CHRM3: variants seen among roughly 807,000 people sequenced by gnomAD.
CHRM3 encodes muscarinic acetylcholine receptor M3.
A neutral mutation model predicts 41.8 loss-of-function variants in CHRM3; 11 were observed. That is an observed-to-expected ratio of 0.26 (90% CI 0.17 to 0.44). The LOEUF (loss-of-function observed/expected upper bound fraction) is 0.44, where lower values mean the gene tolerates loss of function less well. Ranked by LOEUF, CHRM3 falls within the 20% of genes least tolerant of loss-of-function variation. The pLI, the probability that CHRM3 is intolerant of heterozygous loss-of-function variation, is 1.00. For missense variants in CHRM3, 571 were observed against 745.4 expected, an observed-to-expected ratio of 0.77 and a Z score of 2.72; for synonymous variants, 297 against 301.4, an observed-to-expected ratio of 0.99 and a Z score of 0.15.
chr1:239,613,239 G>T (rs1323037042), intron 3 of CHRM3, among the ~76,000 whole-genome samples: 1 of 152,180 alleles, frequency 6.6e-6, no homozygotes, highest in African/African-American at 2.4e-5. Flanking sequence ...TGCATGTAGG[G>T]TGTGCACAAG....
rs756580871 is a variant in CHRM3, at chr1:239,386,967, C to G, written c.-781C>G. The G allele has an allele frequency of 6.6e-6, 1 of 152,032 alleles. No individual in the cohort carries two copies. The highest frequency in any genetic ancestry group is 2.4e-5 in the African/African-American group (1 of 41,434). The allele number at this position is 152,032 out of a possible 1,614,324, so 9.4% of individuals were successfully genotyped here. A position where few individuals can be genotyped will look rare whatever the true frequency, so the allele number is the denominator to read the frequency against. On this transcript the variant is annotated 5_prime_UTR_variant, in exon 1 of 7. Coordinates refer to ENST00000676153, the MANE Select transcript of CHRM3 (RefSeq NM_001375978.1). ...GCCCGCGGGCGGAGCGCTCTCAGAC[C>G]CCGGAGCGCACACCGCGGGGCCATC...
chr1:239,639,891 G>T (rs1306634606), intron 4 of CHRM3, among the ~76,000 whole-genome samples: 2 of 146,880 alleles, frequency 1.4e-5, no homozygotes, highest in South Asian at 2.2e-4. Context: ...TATGATATTG[G>T]CTGTGGGTTT....
At chr1:239,398,444 C>G (rs1460267476) in intron 1 of CHRM3, among the ~76,000 whole-genome samples, 1 of 151,966 alleles carries the variant, frequency 6.6e-6, no homozygotes, top group Non-Finnish European at 1.5e-5. Flanking sequence ...CCATGTTGGT[C>G]AGGCTGGTCT....
chr1:239,414,720 C>T (rs951589343), intron 1 of CHRM3, among the ~76,000 whole-genome samples: 3 of 152,152 alleles, frequency 2.0e-5, no homozygotes, highest in Non-Finnish European at 4.4e-5. Context: ...TTATGCAAAG[C>T]GTGCTGGTCA....
intron 3 of CHRM3, among the ~76,000 whole-genome samples, chr1:239,578,301 A>G (rs1369043828): frequency 6.6e-6 from 1 of 152,060 alleles, no homozygotes; most frequent in Non-Finnish European, 1.5e-5. Flanking sequence ...ACATTTTTGT[A>G]TTTTATACAT....
intron 3 of CHRM3, among the ~76,000 whole-genome samples, chr1:239,599,276 A>G (rs181467628): frequency 2.2e-3 from 327 of 151,884 alleles, no homozygotes; most frequent in African/African-American, 7.6e-3. Context: ...CCACAGTGAC[A>G]CTCTTCCACA....
chr1:239,879,356 C>T (rs1455983277), intron 6 of CHRM3, among the ~76,000 whole-genome samples: 1 of 152,208 alleles, frequency 6.6e-6, no homozygotes, highest in African/African-American at 2.4e-5. Flanking sequence ...TGCGAAGCAC[C>T]ACCTGAAACA....
chr1:239,787,631 A>G (rs1669012797), intron 5 of CHRM3, among the ~76,000 whole-genome samples: 1 of 152,138 alleles, frequency 6.6e-6, no homozygotes, highest in Non-Finnish European at 1.5e-5. Context: ...CCAGATTGCA[A>G]TGTGATCGTG....
chr1:239,546,957 G>T (rs544959210), intron 3 of CHRM3, among the ~76,000 whole-genome samples: 13 of 152,062 alleles, frequency 8.5e-5, no homozygotes, highest in Admixed American at 2.6e-4. Flanking sequence ...TGTTTAAAAT[G>T]AACAACTGAA....
chr1:239,887,712 A>T (rs1678191975), intron 6 of CHRM3, among the ~76,000 whole-genome samples: 1 of 152,164 alleles, frequency 6.6e-6, no homozygotes, highest in African/African-American at 2.4e-5. Context: ...TTAGTTAGTC[A>T]TTCAGTATAC....
chr1:239,857,956 A>G (rs1276144044), intron 6 of CHRM3, among the ~76,000 whole-genome samples: 1 of 152,154 alleles, frequency 6.6e-6, no homozygotes, highest in Non-Finnish European at 1.5e-5. Context: ...TCCCTCAGAA[A>G]AAGGGGGAAT....
chr1:239,617,078 T>C (rs1371271919), intron 3 of CHRM3, among the ~76,000 whole-genome samples: 1 of 152,070 alleles, frequency 6.6e-6, no homozygotes, highest in African/African-American at 2.4e-5. Context: ...AGGGCATCAT[T>C]TAGCATAGCT....
At chr1:239,733,750 C>T (rs1361744910) in intron 5 of CHRM3, among the ~76,000 whole-genome samples, 1 of 151,910 alleles carries the variant, frequency 6.6e-6, no homozygotes. Context: ...TATGGCTTCA[C>T]TACATTTTTC....
intron 1 of CHRM3, among the ~76,000 whole-genome samples, chr1:239,435,876 T>C (rs1293057711): frequency 6.6e-6 from 1 of 152,172 alleles, no homozygotes; most frequent in Non-Finnish European, 1.5e-5. Flanking sequence ...ATCACATTTC[T>C]CTGCTCTGGG....
At chr1:239,443,904 A>C (rs1433749760) in intron 1 of CHRM3, among the ~76,000 whole-genome samples, 1 of 152,146 alleles carries the variant, frequency 6.6e-6, no homozygotes, top group Non-Finnish European at 1.5e-5. Flanking sequence ...TCCTTCACCC[A>C]ATTATTTTAC....
chr1:239,760,700 T>A (rs1666688306), intron 5 of CHRM3, among the ~76,000 whole-genome samples: 1 of 152,218 alleles, frequency 6.6e-6, no homozygotes, highest in African/African-American at 2.4e-5. Context: ...TGCTCATGTG[T>A]GGTTTGCATT....
At chr1:239,508,008 G>C (rs1668685094) in intron 2 of CHRM3, among the ~76,000 whole-genome samples, 1 of 152,202 alleles carries the variant, frequency 6.6e-6, no homozygotes, top group Admixed American at 6.5e-5. Flanking sequence ...TATGGAGCCT[G>C]AGGCAGAAAA....
At chr1:239,640,246 C>G (rs1670959604) in intron 4 of CHRM3, among the ~76,000 whole-genome samples, 1 of 152,064 alleles carries the variant, frequency 6.6e-6, no homozygotes, top group Non-Finnish European at 1.5e-5. Flanking sequence ...AGTGTCTCTG[C>G]CCGGCTTTGG....
chr1:239,425,741 A>G (rs1400777405), intron 1 of CHRM3, among the ~76,000 whole-genome samples: 1 of 152,178 alleles, frequency 6.6e-6, no homozygotes, highest in Admixed American at 6.5e-5. Context: ...TCAGGTTCTG[A>G]TGATGCCCCT....
Sources: allele counts gnomAD v4.1 joint callset (sites outside exome capture counted in the v4.1 genomes callset), GRCh38; gene constraint gnomAD v4.1.1; transcripts MANE v1.5; gene names NCBI Gene and HGNC (gene_info 2026-07-23, HGNC 2026-07-21).